Variants in DTNB observed in about 807,000 individuals in gnomAD.
The protein encoded by DTNB is DTN-B.
Under a neutral mutation model 90.7 loss-of-function variants are expected in DTNB, and 63 were observed. The ratio of observed to expected loss-of-function variants is 0.69; its 90% CI spans 0.57 to 0.86. The LOEUF is 0.86. Ranked by LOEUF, DTNB falls within the 40% of genes least tolerant of loss-of-function variation. DTNB has a pLI of 0.00. For synonymous variants in DTNB, 277 were observed against 286.7 expected (o/e 0.97, Z 0.34); for missense variants, 744 against 807.1 (o/e 0.92, Z 0.95).
intron 10 of DTNB, among the ~76,000 whole-genome samples, chr2:25,457,229 C>T (rs1321777805): frequency 1.3e-5 from 2 of 151,584 alleles, no homozygotes; most frequent in South Asian, 2.1e-4. Flanking sequence ...AGGATGGTCT[C>T]GAACTCCTGA....
chr2:25,626,423 G>T (rs911724493), intron 4 of DTNB, among the ~76,000 whole-genome samples: 1 of 152,050 alleles, frequency 6.6e-6, no homozygotes, highest in Non-Finnish European at 1.5e-5. Flanking sequence ...CTAAAAAATG[G>T]CATTAGAATT....
At chr2:25,667,700 T>C (rs1434325675) in intron 1 of DTNB, among the ~76,000 whole-genome samples, 4 of 152,338 alleles carry the variant, frequency 2.6e-5, no homozygotes, top group South Asian at 2.1e-4. Flanking sequence ...CTTTGAAAGA[T>C]AGTTTAATAG....
chr2:25,567,059 T>C (rs1023531378), intron 8 of DTNB, among the ~76,000 whole-genome samples: 2 of 152,178 alleles, frequency 1.3e-5, no homozygotes, highest in African/African-American at 2.4e-5. Flanking sequence ...GAGGTGGCCA[T>C]TGGGTTAAAG....
intron 5 of DTNB, among the ~76,000 whole-genome samples, chr2:25,600,347 A>G (rs2065610948): frequency 6.6e-6 from 1 of 152,240 alleles, no homozygotes; most frequent in Non-Finnish European, 1.5e-5. Flanking sequence ...TGCTTTCTTC[A>G]TAGAGGCAAC....
intron 8 of DTNB, among the ~76,000 whole-genome samples, chr2:25,553,947 G>A (rs952073316): frequency 3.3e-5 from 5 of 151,610 alleles, no homozygotes; most frequent in African/African-American, 1.2e-4. Context: ...CTTCCCTTTC[G>A]AGAAAAAAAA....
chr2:25,588,010 T>C (rs1572993124), intron 6 of DTNB, among the ~76,000 whole-genome samples: 1 of 152,216 alleles, frequency 6.6e-6, no homozygotes, highest in Non-Finnish European at 1.5e-5. Context: ...CACCAGCCTC[T>C]TGATGAACTG....
intron 2 of DTNB, among the ~76,000 whole-genome samples, chr2:25,650,770 G>A (rs1021254764): frequency 6.6e-5 from 10 of 152,126 alleles, no homozygotes; most frequent in South Asian, 2.1e-4. Context: ...AGACCAGCCC[G>A]GCCAACATGG....
intron 4 of DTNB, among the ~76,000 whole-genome samples, chr2:25,609,345 T>C (rs1383584122): frequency 2.0e-5 from 3 of 152,158 alleles, no homozygotes; most frequent in Non-Finnish European, 4.4e-5. Flanking sequence ...ACGCCTGTAA[T>C]CCCAGCACTT....
chr2:25,650,824 G>A (rs980963010), intron 2 of DTNB, among the ~76,000 whole-genome samples: 7 of 152,120 alleles, frequency 4.6e-5, no homozygotes, highest in South Asian at 4.1e-4. Context: ...AGCCAGGCGC[G>A]GTGGCAGGCA....
chr2:25,623,663 C>A (rs1039127062), intron 4 of DTNB, among the ~76,000 whole-genome samples: 9 of 152,074 alleles, frequency 5.9e-5, no homozygotes, highest in Admixed American at 5.9e-4. Flanking sequence ...TCATCCTAGG[C>A]CTCAAATTAT....
At chr2:25,459,967 C>A (rs989955240) in intron 10 of DTNB, among the ~76,000 whole-genome samples, 2 of 152,102 alleles carry the variant, frequency 1.3e-5, no homozygotes, top group Non-Finnish European at 2.9e-5. Flanking sequence ...AAGATATTTC[C>A]TCTCTAGAAA....
intron 2 of DTNB, among the ~76,000 whole-genome samples, chr2:25,651,892 A>G (rs1208525096): frequency 6.6e-6 from 1 of 152,192 alleles, no homozygotes; most frequent in Non-Finnish European, 1.5e-5. Context: ...AAAAGAGTAC[A>G]GTACTTTTGA....
At chr2:25,582,176 AT>A (rs1230857507) in intron 6 of DTNB, among the ~76,000 whole-genome samples, 1 of 152,200 alleles carries the variant, frequency 6.6e-6, no homozygotes, top group Non-Finnish European at 1.5e-5. Flanking sequence ...AATAACTCTG[AT>A]TTTTACCACT....
intron 9 of DTNB, among the ~76,000 whole-genome samples, chr2:25,518,077 G>A (rs2075430355): frequency 6.6e-6 from 1 of 152,092 alleles, no homozygotes; most frequent in South Asian, 2.1e-4. Flanking sequence ...GGGCATTGCT[G>A]TTTAACGGGT....
intron 2 of DTNB, among the ~76,000 whole-genome samples, chr2:25,646,957 A>G (rs1370791825): frequency 6.6e-6 from 1 of 152,260 alleles, no homozygotes; most frequent in Non-Finnish European, 1.5e-5. Flanking sequence ...AAGGCTAGAC[A>G]AAATAAACTC....
chr2:25,628,333 A>C lies in DTNB; in HGVS notation c.200T>G (p.Leu67Arg). ...CTCGGTGGTATGGTCCAGTGTATTA[A>C]GGCCATTGTCTCGGAAGGCTTCAAT... ...NMIEAFRDNG[L>R]NTLDHTTEIS... Residue 67 changes from leucine (L) to arginine (R), a missense_variant, in exon 4 of 21, where the codon CTT becomes CGT. Leu to Arg is a moderately radical substitution (Grantham distance 102, BLOSUM62 -2). Coordinates refer to ENST00000406818, the MANE Select transcript of DTNB (RefSeq NM_021907.5). 1 of 1,613,836 alleles carries C rather than the reference A, an allele frequency of 6.2e-7. No homozygotes were observed. Among genetic ancestry groups the C allele is most frequent in the Non-Finnish European group, 8.5e-7 (1 of 1,179,842 alleles).
chr2:25,379,126 C>T (rs1270885996), intron 20 of DTNB, among the ~76,000 whole-genome samples, 164 bp downstream of exon 20: 1 of 152,130 alleles, frequency 6.6e-6, no homozygotes, highest in East Asian at 1.9e-4. Flanking sequence ...GCAAGGAGGG[C>T]ACATGGCTGG....
intron 9 of DTNB, among the ~76,000 whole-genome samples, chr2:25,518,113 TAAC>T (rs1264435873): frequency 6.6e-6 from 1 of 152,058 alleles, no homozygotes; most frequent in South Asian, 2.1e-4. Context: ...AAGATCTGTT[TAAC>T]AACAACACGA....
intron 4 of DTNB, among the ~76,000 whole-genome samples, chr2:25,627,736 CT>C (rs569673438): frequency 0.02 from 2,737 of 135,984 alleles, 41 homozygotes; most frequent in African/African-American, 0.052. Flanking sequence ...AATAATTTTC[CT>C]TTTTTTTTTT....
Sources: allele counts gnomAD v4.1 joint callset (sites outside exome capture counted in the v4.1 genomes callset), GRCh38; gene constraint gnomAD v4.1.1; transcripts MANE v1.5; gene names NCBI Gene and HGNC (gene_info 2026-07-23, HGNC 2026-07-21).